Variants in ARHGAP39 observed in about 807,000 individuals in gnomAD.
ARHGAP39 encodes the protein Rho GTPase activating protein 39.
ARHGAP39 carries 44 observed loss-of-function variants against 106.9 expected under a neutral mutation model. The ratio of observed to expected loss-of-function variants is 0.41; its 90% confidence interval spans 0.32 to 0.53. The LOEUF is 0.53. Among genes scored for constraint, ARHGAP39 ranks in the 20% least tolerant of loss-of-function variants. The pLI, the probability that ARHGAP39 is intolerant of heterozygous loss-of-function variation, is 0.21. For synonymous variants in ARHGAP39, 768 were observed against 693.2 expected (o/e 1.11, Z -1.69); for missense variants, 1,496 against 1,577.3 (o/e 0.95, Z 0.87).
rs1442185210 is a variant in ARHGAP39 at position 144,670,779 on chromosome 8, G to T, written c.-82+14907C>A. ...GTCACAGCCTCATCCCCGTCCTTCAGACCACACACCGCAGCTGCCAACTGT... is the reference window on the plus strand; with the variant it reads ...GTCACAGCCTCATCCCCGTCCTTCATACCACACACCGCAGCTGCCAACTGT... On this transcript the variant is annotated intron_variant, in intron 1 of 11. Coordinates refer to ENST00000377307, the MANE Select transcript of ARHGAP39 (RefSeq NM_025251.3). The surrounding 1 kb of genome is among the most constrained non-coding windows in gnomAD (Gnocchi z 4.4). 6.6e-6 allele frequency among the ~76,000 whole-genome samples: 1 copy of T among 152,120 alleles called. No homozygotes were observed. Among genetic ancestry groups the T allele is most frequent in the Non-Finnish European group, 1.5e-5 (1 of 68,036 alleles).
At chr8:144,648,604 C>T (rs1204793531) in intron 1 of ARHGAP39, among the ~76,000 whole-genome samples, 1 of 152,190 alleles carries the variant, frequency 6.6e-6, no homozygotes, top group Non-Finnish European at 1.5e-5. Flanking sequence ...TTCCACTCAA[C>T]AAGAACAACA....
chr8:144,531,214 TA>T (rs1816702635), intron 10 of ARHGAP39, among the ~76,000 whole-genome samples: 21 of 143,944 alleles, frequency 1.5e-4, no homozygotes, highest in African/African-American at 5.1e-4. Context: ...GGGAGTGGGC[TA>T]GACATAGCAG....
At chr8:144,560,044 C>A (rs1331153822) in intron 3 of ARHGAP39, among the ~76,000 whole-genome samples, 2 of 152,194 alleles carry the variant, frequency 1.3e-5, no homozygotes, top group Non-Finnish European at 2.9e-5. Context: ...TGTTTATTTT[C>A]TTTTATGTAA....
Position 144,530,368 on chromosome 8 carries a change from A to C in ARHGAP39, c.*54T>G. ...CCCTCTGCCGGGAGAGCGAGTGCGG[A>C]GTTCGGCCTGGCTGGGGGCGGCAGG... On this transcript the variant is annotated 3_prime_UTR_variant, in exon 12 of 12. Coordinates refer to ENST00000377307, the MANE Select transcript of ARHGAP39 (RefSeq NM_025251.3). 2 of 1,521,042 alleles carry C rather than the reference A, an allele frequency of 1.3e-6. No individual in the cohort carries two copies. The highest frequency in any genetic ancestry group is 8.9e-7 in the Non-Finnish European group (1 of 1,124,302). 94.2% of individuals were successfully genotyped at this position (1,521,042 alleles called of 1,614,324 possible). A position where few individuals can be genotyped will look rare whatever the true frequency, so the allele number is the denominator to read the frequency against.
At chr8:144,617,099 C>T (rs1460772061) in intron 1 of ARHGAP39, among the ~76,000 whole-genome samples, 3 of 151,886 alleles carry the variant, frequency 2.0e-5, no homozygotes, top group South Asian at 2.1e-4. Context: ...CCCAGCTACT[C>T]GGGAGGCTGA....
At chr8:144,598,593 G>A (rs577763240) in intron 2 of ARHGAP39, among the ~76,000 whole-genome samples, 66 of 152,310 alleles carry the variant, frequency 4.3e-4, no homozygotes, top group African/African-American at 6.3e-4. Flanking sequence ...GGGGACAGCC[G>A]GATGCATGTG....
In ARHGAP39 at chr8:144,547,966, TGAG is replaced by T; in HGVS notation, c.1117_1119del (p.Leu373del). 5 of 1,606,336 alleles carry T rather than the reference TGAG, an allele frequency of 3.1e-6. No individual in the cohort carries two copies. Among genetic ancestry groups the T allele is most frequent in the Non-Finnish European group, 4.2e-6 (5 of 1,177,236 alleles). On this transcript the variant is annotated inframe_deletion, in exon 5 of 12. Coordinates refer to ENST00000377307, the MANE Select transcript of ARHGAP39 (RefSeq NM_025251.3). The surrounding 1 kb of genome is among the most constrained non-coding windows in gnomAD (Gnocchi z 5.2). ...AAGCGCTCGGGACACTTCTGCTTGG[TGAG>T]CACCAGCTGCTGGCAGGGCGAGGGG...
intron 3 of ARHGAP39, among the ~76,000 whole-genome samples, chr8:144,558,827 C>T (rs1194268810): frequency 1.3e-5 from 2 of 151,898 alleles, no homozygotes; most frequent in Admixed American, 6.6e-5. Flanking sequence ...AATCCCAGCA[C>T]TTTGGGAGGC....
chr8:144,598,216 G>A (rs562539013), intron 2 of ARHGAP39, among the ~76,000 whole-genome samples: 88 of 151,652 alleles, frequency 5.8e-4, no homozygotes, highest in African/African-American at 1.9e-3. Flanking sequence ...GGGCCTTTCC[G>A]CGTTGAGTGT....
intron 6 of ARHGAP39, among the ~76,000 whole-genome samples, chr8:144,539,784 T>C (rs535647120): frequency 6.6e-6 from 1 of 152,330 alleles, no homozygotes; most frequent in East Asian, 1.9e-4. Context: ...TCAAGGCTAG[T>C]GCCACACTCT....
rs1171533885 is a variant in ARHGAP39, at chr8:144,585,077, C to T, written c.81-3800G>A. 6.6e-6 allele frequency among the ~76,000 whole-genome samples: 1 copy of T among 152,172 alleles called. No individual in the cohort carries two copies. The highest frequency in any genetic ancestry group is 1.5e-5 in the Non-Finnish European group (1 of 68,026). On this transcript the variant is annotated intron_variant, in intron 2 of 11. Coordinates refer to ENST00000377307, the MANE Select transcript of ARHGAP39 (RefSeq NM_025251.3). This position sits in a 1 kb window ranked among gnomAD's most constrained non-coding sequence, Gnocchi z 4.6. ...TGGTCTCCACCCAGAGCCAAGGTGT[C>T]TCCCTCCACTCGTCCAGGTGTCTGA...
At chr8:144,693,636 G>A in the ARHGAP39 span, among the ~76,000 whole-genome samples, 1 of 152,294 alleles carries the variant, frequency 6.6e-6, no homozygotes, top group East Asian at 1.9e-4. Context: ...GCCTCCCAGA[G>A]TGCTGGGATT....
In ARHGAP39 at chr8:144,646,138, C is replaced by T. The variant is rs767571316; in HGVS notation, c.-82+39548G>A. ...TGTCCGCCAGCAAGGACGGACACAT[C>T]GCAAGCTTGGAGCCTGCTGGAGGAA... On this transcript the variant is annotated intron_variant, in intron 1 of 11. Transcript: ENST00000377307. The surrounding 1 kb of genome is among the most constrained non-coding windows in gnomAD (Gnocchi z 5.7). Among the ~76,000 whole-genome samples, 10 of 152,196 alleles carry T rather than the reference C, an allele frequency of 6.6e-5. No homozygotes were observed. The highest frequency in any genetic ancestry group is 1.5e-4 in the Non-Finnish European group (10 of 68,040).
chr8:144,654,577 G>T (rs770592290), intron 1 of ARHGAP39, among the ~76,000 whole-genome samples: 3 of 152,174 alleles, frequency 2.0e-5, no homozygotes, highest in Non-Finnish European at 4.4e-5. Flanking sequence ...CTGCCATCAC[G>T]CTGGCTGCAG....
intron 2 of ARHGAP39, among the ~76,000 whole-genome samples, chr8:144,581,503 G>A (rs1470972413): frequency 1.3e-5 from 2 of 152,360 alleles, no homozygotes; most frequent in South Asian, 4.1e-4. Context: ...CCCTTTGGGG[G>A]GTCCTGGGCC....
At chr8:144,658,753 G>A (rs1328590905) in intron 1 of ARHGAP39, among the ~76,000 whole-genome samples, 1 of 152,000 alleles carries the variant, frequency 6.6e-6, no homozygotes, top group Admixed American at 6.6e-5. Flanking sequence ...CCTAGCCAGT[G>A]CAATAAGGCA....
intron 4 of ARHGAP39, 87 bp downstream of exon 4, chr8:144,555,473 C>G (rs964307082): frequency 8.5e-7 from 1 of 1,180,796 alleles, no homozygotes; most frequent in Non-Finnish European, 1.3e-6. Flanking sequence ...CTGCTACGCG[C>G]CAGGCACCTC....
intron 2 of ARHGAP39, among the ~76,000 whole-genome samples, chr8:144,602,654 G>C (rs1323213603): frequency 2.1e-5 from 3 of 140,436 alleles, no homozygotes; most frequent in Non-Finnish European, 4.6e-5. Context: ...TCGTGTACCT[G>C]TGTGCATGGA....
At chr8:144,649,491 C>G (rs1172294301) in intron 1 of ARHGAP39, among the ~76,000 whole-genome samples, 1 of 151,832 alleles carries the variant, frequency 6.6e-6, no homozygotes, top group Non-Finnish European at 1.5e-5. Context: ...CAAACGTGGC[C>G]AGGCGCTGTG....
Sources: allele counts gnomAD v4.1 joint callset (sites outside exome capture counted in the v4.1 genomes callset), GRCh38; gene constraint gnomAD v4.1.1; non-coding constraint Gnocchi (gnomAD v3.1); transcripts MANE v1.5; gene names NCBI Gene and HGNC (gene_info 2026-07-23, HGNC 2026-07-21).